The following MYL11 variants were observed in gnomAD, a reference collection of about 807,000 sequenced individuals.
MYL11 encodes myosin regulatory light chain 11.
At chr16:30,374,123 C>T in the MYL11 span, among the ~76,000 whole-genome samples, 2 of 151,584 alleles carry the variant, frequency 1.3e-5, no homozygotes, top group Non-Finnish European at 2.9e-5. Flanking sequence ...CCACTCTGGC[C>T]GACACGGTGA....
At chr16:30,376,017 C>G in the MYL11 span, 1 of 1,487,480 alleles carries the variant, frequency 6.7e-7, no homozygotes, top group South Asian at 1.2e-5. Flanking sequence ...TTTAGAATTC[C>G]TTCCTCCCCT....
the MYL11 span, among the ~76,000 whole-genome samples, chr16:30,372,137 T>C: frequency 6.6e-6 from 1 of 152,050 alleles, no homozygotes; most frequent in Non-Finnish European, 1.5e-5. Flanking sequence ...CCCATTCCCC[T>C]TTTTGGAGTC....
the MYL11 span, chr16:30,374,723 C>T: frequency 3.4e-6 from 4 of 1,179,234 alleles, no homozygotes; most frequent in East Asian, 2.9e-5. Context: ...GGTGGGCACC[C>T]GCAGGGCTAA....
chr16:30,376,133 G>T, the MYL11 span: 1 of 1,612,878 alleles, frequency 6.2e-7, no homozygotes, highest in Non-Finnish European at 8.5e-7. Flanking sequence ...TCCCCACCAC[G>T]GCCCTCCCCA....
chr16:30,375,637 G>A, the MYL11 span, among the ~76,000 whole-genome samples: 3 of 152,086 alleles, frequency 2.0e-5, no homozygotes, highest in South Asian at 2.1e-4. Flanking sequence ...AGCCACAGAC[G>A]GGAATTTGGG....
chr16:30,377,925 C>T, the MYL11 span: 18 of 1,588,556 alleles, frequency 1.1e-5, no homozygotes, highest in East Asian at 4.5e-5. Flanking sequence ...CTCCGCTGCC[C>T]GACGCTTCTG....
At chr16:30,374,806 C>T in the MYL11 span, 2,793 of 1,610,014 alleles carry the variant, frequency 1.7e-3, 3 homozygotes, top group Non-Finnish European at 2.2e-3. Flanking sequence ...CATGCTGACT[C>T]CTTGCTTCTT....
the MYL11 span, among the ~76,000 whole-genome samples, chr16:30,373,762 CAA>C: frequency 1.6e-4 from 17 of 106,084 alleles, no homozygotes; most frequent in East Asian, 2.6e-4. Flanking sequence ...GACTCCATCT[CAA>C]AAAAAAAAAA....
the MYL11 span, chr16:30,377,611 C>T: frequency 3.5e-4 from 506 of 1,440,442 alleles, 1 homozygote; most frequent in Non-Finnish European, 3.8e-4. Context: ...TGGAAAGGAA[C>T]CAGGAACCCA....
the MYL11 span, chr16:30,376,625 G>A: frequency 5.0e-6 from 8 of 1,613,964 alleles, no homozygotes; most frequent in Non-Finnish European, 6.8e-6. Flanking sequence ...CACAGGTGCC[G>A]ACCCTGAGGA....
the MYL11 span, chr16:30,377,547 A>G: frequency 4.9e-6 from 6 of 1,212,724 alleles, no homozygotes; most frequent in Non-Finnish European, 5.5e-6. Context: ...AAGTAGAGTG[A>G]CCTGGGTTTT....
chr16:30,377,584 G>A, the MYL11 span: 1 of 1,378,464 alleles, frequency 7.3e-7, no homozygotes, highest in Non-Finnish European at 9.5e-7. Flanking sequence ...TGGCATCGGG[G>A]ATGAGGTGCG....
At chr16:30,377,704 T>C in the MYL11 span, 1 of 1,565,414 alleles carries the variant, frequency 6.4e-7, no homozygotes, top group Non-Finnish European at 8.7e-7. Flanking sequence ...CAGGAGGAGG[T>C]GAGTGGGGAC....
the MYL11 span, chr16:30,375,987 T>A: frequency 2.6e-6 from 4 of 1,536,636 alleles, no homozygotes; most frequent in Admixed American, 5.3e-5. Context: ...AATGTGCACC[T>A]GCTTGAAGGA....
the MYL11 span, chr16:30,377,943 C>A: frequency 6.5e-7 from 1 of 1,541,248 alleles, no homozygotes; most frequent in Non-Finnish European, 8.9e-7. Flanking sequence ...CTGTTCGGCC[C>A]GACCTCCACC....
At chr16:30,376,730 T>G in the MYL11 span, 1 of 1,593,934 alleles carries the variant, frequency 6.3e-7, no homozygotes, top group Non-Finnish European at 8.6e-7. Flanking sequence ...CTTCCGACCC[T>G]TCCCCCACTC....
chr16:30,374,619 A>C, the MYL11 span, among the ~76,000 whole-genome samples: 1 of 152,166 alleles, frequency 6.6e-6, no homozygotes. Context: ...CATGCATCGC[A>C]AGACATGCTC....
chr16:30,372,988 C>T, the MYL11 span: 1 of 152,574 alleles, frequency 6.6e-6, no homozygotes, highest in South Asian at 2.1e-4. Flanking sequence ...CTGCTGCGCC[C>T]TCCACTTCTG....
the MYL11 span, chr16:30,376,545 G>C: frequency 1.2e-6 from 2 of 1,613,840 alleles, no homozygotes; most frequent in Non-Finnish European, 1.7e-6. Flanking sequence ...GAGTGTCCTG[G>C]GTCCAAGGCC....
Sources: gnomAD v4.1 joint callset for allele counts (sites outside exome capture counted in the v4.1 genomes callset) on GRCh38, gnomAD v4.1.1 for gene constraint, MANE v1.5 for transcripts, NCBI Gene and HGNC (gene_info 2026-07-23, HGNC 2026-07-21) for gene names.